The following SCHIP1 variants were observed in gnomAD, a reference collection of about 807,000 sequenced individuals.
SCHIP1 encodes schwannomin interacting protein 1.
Under a neutral mutation model 29.7 loss-of-function variants are expected in SCHIP1, and 8 were observed. The observed-to-expected ratio is 0.27, with a 90% CI of 0.16 to 0.49. The LOEUF (loss-of-function observed/expected upper bound fraction) is 0.49, where lower values mean the gene tolerates loss of function less well. Among genes scored for constraint, SCHIP1 ranks in the 20% least tolerant of loss-of-function variants. SCHIP1 has a pLI of 0.99. For synonymous variants in SCHIP1, 76 were observed against 94.9 expected, an observed-to-expected ratio of 0.80 and a Z score of 1.16; for missense variants, 193 against 294.6, an observed-to-expected ratio of 0.66 and a Z score of 2.52.
the SCHIP1 span, among the ~76,000 whole-genome samples, chr3:159,442,289 T>C: frequency 1.9e-3 from 283 of 152,244 alleles, 2 homozygotes; most frequent in African/African-American, 6.3e-3. Flanking sequence ...AGGAATTGCT[T>C]GGAGAACAGC....
At chr3:159,613,240 T>C in the SCHIP1 span, among the ~76,000 whole-genome samples, 2 of 152,218 alleles carry the variant, frequency 1.3e-5, no homozygotes, top group Non-Finnish European at 2.9e-5. Flanking sequence ...CTTGAATCTA[T>C]ATGAATAATT....
chr3:159,512,675 C>T, the SCHIP1 span, among the ~76,000 whole-genome samples: 24 of 152,274 alleles, frequency 1.6e-4, no homozygotes, highest in Admixed American at 5.2e-4. Context: ...GGGACATACC[C>T]TCAAGCATTT....
chr3:159,273,382 A>G, the SCHIP1 span: 1 of 998,146 alleles, frequency 1.0e-6, no homozygotes, highest in Middle Eastern at 5.1e-4. Context: ...ACTCTATTTT[A>G]TTGTATTATT....
intron 1 of SCHIP1, among the ~76,000 whole-genome samples, chr3:159,847,576 G>T (rs550593514): frequency 4.6e-5 from 7 of 152,234 alleles, no homozygotes; most frequent in African/African-American, 1.7e-4. Context: ...ACATAATGAG[G>T]ACATTAAAAT....
At chr3:159,275,459 G>A in the SCHIP1 span, among the ~76,000 whole-genome samples, 1 of 152,038 alleles carries the variant, frequency 6.6e-6, no homozygotes, top group African/African-American at 2.4e-5. Flanking sequence ...GTCATAAAAC[G>A]CATCTGCTTG....
the SCHIP1 span, among the ~76,000 whole-genome samples, chr3:159,685,832 T>C: frequency 2.0e-5 from 3 of 152,200 alleles, no homozygotes; most frequent in Non-Finnish European, 2.9e-5. Flanking sequence ...TGAAAATTAC[T>C]AAAAATACTG....
At chr3:159,703,841 T>A in the SCHIP1 span, among the ~76,000 whole-genome samples, 1 of 152,192 alleles carries the variant, frequency 6.6e-6, no homozygotes, top group Non-Finnish European at 1.5e-5. Flanking sequence ...CTTCATTCTC[T>A]TGCCTCTGTG....
intron 1 of SCHIP1, among the ~76,000 whole-genome samples, chr3:159,863,250 G>T (rs1450980102): frequency 2.6e-5 from 4 of 152,052 alleles, no homozygotes; most frequent in Non-Finnish European, 4.4e-5. Context: ...TAAGGCAGGA[G>T]AATTGCTTGA....
At chr3:159,775,734 G>A in the SCHIP1 span, among the ~76,000 whole-genome samples, 2 of 152,196 alleles carry the variant, frequency 1.3e-5, no homozygotes, top group Admixed American at 1.3e-4. Context: ...GGCGTGCCTG[G>A]AACAAAACAA....
the SCHIP1 span, among the ~76,000 whole-genome samples, chr3:159,512,563 A>AT: frequency 1.3e-5 from 2 of 152,130 alleles, no homozygotes; most frequent in Non-Finnish European, 1.5e-5. Context: ...GCACTTCTTA[A>AT]TTTTTAATTT....
chr3:159,785,577 TG>T, the SCHIP1 span, among the ~76,000 whole-genome samples: 46 of 133,886 alleles, frequency 3.4e-4, no homozygotes, highest in African/African-American at 1.3e-3. Context: ...ATAGTTTTGT[TG>T]GTTTTTTTTT....
chr3:159,509,763 ACTT>A, the SCHIP1 span, among the ~76,000 whole-genome samples: 2 of 151,984 alleles, frequency 1.3e-5, no homozygotes, highest in Non-Finnish European at 2.9e-5. Flanking sequence ...CTGGGTTGAA[ACTT>A]CTTTTCTTTA....
chr3:159,675,339 G>C, the SCHIP1 span, among the ~76,000 whole-genome samples: 1 of 152,196 alleles, frequency 6.6e-6, no homozygotes, highest in South Asian at 2.1e-4. Context: ...AAAAAATATA[G>C]CTACAGATGT....
the SCHIP1 span, among the ~76,000 whole-genome samples, chr3:159,646,410 A>G: frequency 6.6e-6 from 1 of 151,916 alleles, no homozygotes; most frequent in African/African-American, 2.4e-5. Flanking sequence ...GCACAGGAAC[A>G]CCCCATTGGA....
chr3:159,362,452 G>A, the SCHIP1 span, among the ~76,000 whole-genome samples: 1 of 152,206 alleles, frequency 6.6e-6, no homozygotes, highest in Admixed American at 6.5e-5. Context: ...GGATTATTAA[G>A]TTGCCCAGTA....
At chr3:159,315,417 A>T in the SCHIP1 span, among the ~76,000 whole-genome samples, 3 of 143,246 alleles carry the variant, frequency 2.1e-5, no homozygotes, top group South Asian at 2.2e-4. Flanking sequence ...TTTAGTAGAG[A>T]CAGGGTTTCA....
At chr3:159,328,516 T>C in the SCHIP1 span, among the ~76,000 whole-genome samples, 1 of 147,924 alleles carries the variant, frequency 6.8e-6, no homozygotes, top group Non-Finnish European at 1.5e-5. Flanking sequence ...GGGTGGAACA[T>C]GATCAGAGTC....
At position 159,850,164 on chromosome 3, in the gene SCHIP1, G is replaced by A. The variant is rs146912970; in HGVS notation, c.30+9950G>A. Among the ~76,000 whole-genome samples, 429 of 152,268 alleles carry A rather than the reference G, an allele frequency of 2.8e-3. 1 individual carries two copies. The highest frequency in any genetic ancestry group is 9.9e-3 in the African/African-American group (410 of 41,564). On this transcript the variant is annotated intron_variant, in intron 1 of 6. Transcript: ENST00000445224. ...CATCAGAAGAGATATGCGACAATAC[G>A]TGCTGGGTGTTCCAGATGTATGATC... is the stretch of plus-strand genomic sequence containing the variant.
chr3:159,274,962 C>A, the SCHIP1 span: 1 of 982,472 alleles, frequency 1.0e-6, no homozygotes, highest in African/African-American at 1.8e-5. Flanking sequence ...ATAATGGATT[C>A]TTTCTGTTAT....
Sources: allele counts gnomAD v4.1 joint callset (sites outside exome capture counted in the v4.1 genomes callset), GRCh38; gene constraint gnomAD v4.1.1; transcripts MANE v1.5; gene names NCBI Gene and HGNC (gene_info 2026-07-23, HGNC 2026-07-21).